The following HYCC1 variants were observed in gnomAD, a reference collection of about 807,000 sequenced individuals.
HYCC1 encodes hyccin.
the HYCC1 span, chr7:22,977,275 G>A: frequency 1.0e-6 from 1 of 1,004,886 alleles, no homozygotes; most frequent in South Asian, 1.3e-5. Flanking sequence ...TAAATAACTA[G>A]ATTATAACTT....
chr7:22,967,089 A>G, the HYCC1 span, among the ~76,000 whole-genome samples: 4 of 152,230 alleles, frequency 2.6e-5, no homozygotes, highest in African/African-American at 9.6e-5. Context: ...CAGTTAATTC[A>G]TTTATTCATT....
chr7:22,956,149 T>C, the HYCC1 span, among the ~76,000 whole-genome samples: 2 of 151,822 alleles, frequency 1.3e-5, no homozygotes, highest in Non-Finnish European at 3.0e-5. Context: ...ATGTTTTACT[T>C]TCAAATTATG....
the HYCC1 span, among the ~76,000 whole-genome samples, chr7:22,918,888 A>G: frequency 1.3e-5 from 2 of 152,234 alleles, no homozygotes. Flanking sequence ...TTGCTCAAAG[A>G]AAACTTGTTT....
chr7:22,901,362 T>C, the HYCC1 span, among the ~76,000 whole-genome samples: 5 of 112,132 alleles, frequency 4.5e-5, no homozygotes, highest in African/African-American at 1.0e-4. Flanking sequence ...TAGAAAAAAA[T>C]AGAATGAAAG....
chr7:22,930,420 A>G, the HYCC1 span, among the ~76,000 whole-genome samples: 3 of 151,558 alleles, frequency 2.0e-5, no homozygotes, highest in Non-Finnish European at 4.4e-5. Context: ...AGAAAGAAGA[A>G]GAAATAGAAA....
the HYCC1 span, among the ~76,000 whole-genome samples, chr7:22,989,713 G>A: frequency 1.3e-5 from 2 of 152,126 alleles, no homozygotes; most frequent in Non-Finnish European, 2.9e-5. Flanking sequence ...GTCACTTCAT[G>A]ATGACTTGGG....
chr7:22,975,421 T>A, the HYCC1 span, among the ~76,000 whole-genome samples: 7 of 152,214 alleles, frequency 4.6e-5, no homozygotes, highest in Admixed American at 1.3e-4. Flanking sequence ...TTTTAAAATG[T>A]GAATATACTA....
At chr7:22,960,943 C>T in the HYCC1 span, among the ~76,000 whole-genome samples, 6 of 152,180 alleles carry the variant, frequency 3.9e-5, no homozygotes, top group East Asian at 7.7e-4. Flanking sequence ...CCCAGCTACT[C>T]GGGAGGCCGA....
chr7:22,964,327 T>C, the HYCC1 span: 5 of 797,816 alleles, frequency 6.3e-6, no homozygotes. Flanking sequence ...ACTTATCTAT[T>C]GACATTATAA....
chr7:22,946,204 T>C, the HYCC1 span: 1 of 1,534,818 alleles, frequency 6.5e-7, no homozygotes, highest in East Asian at 2.3e-5. Flanking sequence ...CATTAAGTAT[T>C]TTAAGCAATC....
chr7:22,922,030 T>G, the HYCC1 span, among the ~76,000 whole-genome samples: 1 of 152,026 alleles, frequency 6.6e-6, no homozygotes, highest in East Asian at 1.9e-4. Context: ...TAGACAATAT[T>G]CATTTAATGC....
chr7:22,944,156 G>A, the HYCC1 span: 50 of 152,292 alleles, frequency 3.3e-4, 1 homozygote, highest in Admixed American at 9.8e-4. Context: ...CCGCTGTGCA[G>A]TCACAGTGAA....
chr7:22,922,811 A>G, the HYCC1 span, among the ~76,000 whole-genome samples: 1 of 152,348 alleles, frequency 6.6e-6, no homozygotes, highest in Admixed American at 6.5e-5. Flanking sequence ...AAAGCACTAG[A>G]AATAAATAGG....
chr7:22,945,378 G>A, the HYCC1 span: 327 of 581,866 alleles, frequency 5.6e-4, 2 homozygotes, highest in African/African-American at 4.9e-3. Flanking sequence ...TCAAACCAAG[G>A]GGAAAAAATC....
chr7:22,924,578 C>A, the HYCC1 span, among the ~76,000 whole-genome samples: 13 of 152,252 alleles, frequency 8.5e-5, no homozygotes, highest in East Asian at 2.3e-3. Flanking sequence ...TAGAGCCTTG[C>A]TCATTGCTAG....
the HYCC1 span, chr7:22,942,942 C>T: frequency 2.6e-5 from 4 of 152,086 alleles, no homozygotes; most frequent in African/African-American, 4.8e-5. Flanking sequence ...CTCCGCTCTC[C>T]AGAAAATCAA....
chr7:23,011,570 A>G, the HYCC1 span, among the ~76,000 whole-genome samples: 2 of 152,058 alleles, frequency 1.3e-5, no homozygotes, highest in East Asian at 1.9e-4. Context: ...ATGGCTTCTC[A>G]TCTATCACGT....
At chr7:22,927,400 G>GT in the HYCC1 span, among the ~76,000 whole-genome samples, 3 of 152,220 alleles carry the variant, frequency 2.0e-5, no homozygotes, top group East Asian at 5.8e-4. Flanking sequence ...CCAGGAGCTG[G>GT]TTTTTTGAAA....
chr7:22,960,710 A>G, the HYCC1 span, among the ~76,000 whole-genome samples: 3 of 152,258 alleles, frequency 2.0e-5, no homozygotes, highest in African/African-American at 7.2e-5. Context: ...AACAATTCTC[A>G]TAAGTTAAAA....
Sources: allele counts gnomAD v4.1 joint callset (sites outside exome capture counted in the v4.1 genomes callset), GRCh38; gene constraint gnomAD v4.1.1; transcripts MANE v1.5; gene names NCBI Gene and HGNC (gene_info 2026-07-23, HGNC 2026-07-21).